The following SNX29 variants were observed in gnomAD, a reference collection of about 807,000 sequenced individuals.
The protein encoded by SNX29 is sorting nexin-29.
In SNX29, 78 loss-of-function variants were observed where a neutral mutation model predicts 102.1. The observed-to-expected ratio is 0.76, with a 90% CI of 0.64 to 0.92. The LOEUF is 0.92. Ranked by LOEUF, SNX29 falls within the 40% of genes least tolerant of loss-of-function variation. The probability of loss-of-function intolerance (pLI) is 0.00; values close to 1 mark genes in which losing one functional copy is unlikely to be tolerated. For missense variants in SNX29, 1,280 were observed against 1,061.7 expected, an observed-to-expected ratio of 1.21 and a Z score of -2.86; for synonymous variants, 580 against 414.5, an observed-to-expected ratio of 1.40 and a Z score of -4.85.
At chr16:12,303,218 C>G (rs1272059354) in intron 15 of SNX29, among the ~76,000 whole-genome samples, 1 of 152,118 alleles carries the variant, frequency 6.6e-6, no homozygotes, top group African/African-American at 2.4e-5. Flanking sequence ...ATTAGTTTGA[C>G]CAATATTAAA....
At chr16:12,565,208 A>G (rs776354300) in intron 20 of SNX29, among the ~76,000 whole-genome samples, 2 of 152,164 alleles carry the variant, frequency 1.3e-5, no homozygotes, top group Non-Finnish European at 2.9e-5. Context: ...CTATTCAGCC[A>G]GACAGCATTA....
At chr16:11,982,786 A>T (rs986827605) in intron 1 of SNX29, among the ~76,000 whole-genome samples, 5 of 152,154 alleles carry the variant, frequency 3.3e-5, no homozygotes, top group Non-Finnish European at 7.3e-5. Context: ...AGCCAGGCCC[A>T]TAGTGATCAA....
intron 16 of SNX29, among the ~76,000 whole-genome samples, chr16:12,370,242 A>G (rs2082633993): frequency 6.6e-6 from 1 of 151,988 alleles, no homozygotes; most frequent in Non-Finnish European, 1.5e-5. Flanking sequence ...CAAAACAAAA[A>G]CAAAAACAAA....
intron 14 of SNX29, among the ~76,000 whole-genome samples, chr16:12,249,247 G>A (rs1279165124): frequency 2.6e-5 from 4 of 152,210 alleles, no homozygotes; most frequent in Non-Finnish European, 2.9e-5. Flanking sequence ...TGAAGGCCAA[G>A]GTGTCTGGGT....
chr16:12,080,100 A>G (rs1349077372), intron 11 of SNX29, among the ~76,000 whole-genome samples: 5 of 152,176 alleles, frequency 3.3e-5, no homozygotes, highest in Non-Finnish European at 5.9e-5. Context: ...CTCTTGGTAC[A>G]AAAACGTTGA....
chr16:12,531,402 C>T (rs947331981), intron 20 of SNX29, among the ~76,000 whole-genome samples: 4 of 151,802 alleles, frequency 2.6e-5, no homozygotes, highest in Admixed American at 6.5e-5. Context: ...CTAGGGTGCC[C>T]TCAAAATGTT....
At chr16:12,064,031 G>A (rs1277368126) in intron 9 of SNX29, among the ~76,000 whole-genome samples, 1 of 152,048 alleles carries the variant, frequency 6.6e-6, no homozygotes, top group Non-Finnish European at 1.5e-5. Context: ...TTGAATGTGT[G>A]TTCACAGGCT....
intron 13 of SNX29, among the ~76,000 whole-genome samples, chr16:12,136,258 C>G (rs547496301): frequency 1.3e-5 from 2 of 152,258 alleles, no homozygotes; most frequent in Admixed American, 6.5e-5. Flanking sequence ...AACACTCTCC[C>G]TCCTTCCTCC....
chr16:12,428,003 T>G (rs554848597), intron 18 of SNX29, among the ~76,000 whole-genome samples: 4 of 152,244 alleles, frequency 2.6e-5, no homozygotes, highest in South Asian at 4.1e-4. Context: ...ACACAGGAGA[T>G]TGCATGAAGC....
At chr16:12,379,223 CCCT>C (rs1285021952) in intron 16 of SNX29, among the ~76,000 whole-genome samples, 1 of 152,188 alleles carries the variant, frequency 6.6e-6, no homozygotes. Flanking sequence ...TGCAGCCTCA[CCCT>C]CCTGGGGTAA....
intron 16 of SNX29, among the ~76,000 whole-genome samples, chr16:12,370,145 C>CCGGGAGGTGGAGACTG (rs1421912858): frequency 2.0e-5 from 3 of 152,088 alleles, no homozygotes; most frequent in African/African-American, 7.2e-5. Context: ...TCGCTTAAAT[C>CCGGGAGGTGGAGACTG]CGGGAGGTGG....
At chr16:12,415,978 G>A (rs981727720) in intron 18 of SNX29, among the ~76,000 whole-genome samples, 4 of 152,134 alleles carry the variant, frequency 2.6e-5, no homozygotes, top group Non-Finnish European at 5.9e-5. Context: ...GTTGGAGTGG[G>A]GGCCGTCTTC....
chr16:12,451,962 G>T (rs35375869), intron 18 of SNX29, among the ~76,000 whole-genome samples: 2,639 of 152,304 alleles, frequency 0.017, 40 homozygotes, highest in Middle Eastern at 0.034. Context: ...TCTTTGGCCT[G>T]GATAAGCAGC....
At chr16:12,218,967 G>C (rs1274053722) in intron 14 of SNX29, among the ~76,000 whole-genome samples, 1 of 152,014 alleles carries the variant, frequency 6.6e-6, no homozygotes, top group Admixed American at 6.6e-5. Flanking sequence ...GTAGAGACGG[G>C]GTTTCACTGT....
At chr16:12,496,964 G>A (rs771204615) in intron 19 of SNX29, among the ~76,000 whole-genome samples, 14 of 152,234 alleles carry the variant, frequency 9.2e-5, no homozygotes, top group Non-Finnish European at 1.6e-4. Context: ...ATGTCCAGGT[G>A]CTCCTGCCCC....
intron 20 of SNX29, among the ~76,000 whole-genome samples, chr16:12,528,852 C>G (rs1022443235): frequency 2.0e-5 from 3 of 152,216 alleles, no homozygotes; most frequent in African/African-American, 7.2e-5. Context: ...TGGTCCCATT[C>G]TGGTTTGGGA....
intron 18 of SNX29, among the ~76,000 whole-genome samples, chr16:12,415,199 G>C (rs560824703): frequency 6.6e-6 from 1 of 152,238 alleles, no homozygotes; most frequent in Non-Finnish European, 1.5e-5. Flanking sequence ...GGCAGTGAGT[G>C]GGCCACTGTC....
chr16:12,008,733 T>G (rs1290848509), intron 3 of SNX29, among the ~76,000 whole-genome samples: 2 of 90,322 alleles, frequency 2.2e-5, no homozygotes, highest in Admixed American at 1.6e-4. Context: ...TGTATTTAGT[T>G]TTTTTTTTTT....
intron 14 of SNX29, among the ~76,000 whole-genome samples, chr16:12,232,004 C>T (rs146474011): frequency 1.3e-5 from 2 of 152,276 alleles, no homozygotes; most frequent in African/African-American, 4.8e-5. Flanking sequence ...GATGCTGGCC[C>T]TTTGTTTTAA....
Sources: allele counts gnomAD v4.1 joint callset (sites outside exome capture counted in the v4.1 genomes callset), GRCh38; gene constraint gnomAD v4.1.1; transcripts MANE v1.5; gene names NCBI Gene and HGNC (gene_info 2026-07-23, HGNC 2026-07-21).